NELFA: variants seen among roughly 807,000 people sequenced by gnomAD.
The protein encoded by NELFA is negative elongation factor complex member A, also known as negative elongation factor A.
A neutral mutation model predicts 51.8 loss-of-function variants in NELFA; 35 were observed. The ratio of observed to expected loss-of-function variants is 0.68; its 90% CI spans 0.52 to 0.90. The LOEUF (loss-of-function observed/expected upper bound fraction) is 0.90. NELFA is among the 40% of genes least tolerant of loss of function. The pLI, the probability that NELFA is intolerant of heterozygous loss-of-function variation, is 0.00. For missense variants in NELFA, 658 were observed against 746.4 expected, an observed-to-expected ratio of 0.88 and a Z score of 1.38; for synonymous variants, 417 against 338.4, an observed-to-expected ratio of 1.23 and a Z score of -2.55.
intron 4 of NELFA, among the ~76,000 whole-genome samples, chr4:1,987,122 T>C (rs1273818282): frequency 6.6e-6 from 1 of 152,148 alleles, no homozygotes; most frequent in Non-Finnish European, 1.5e-5. Context: ...AGACCCAAGA[T>C]GCCTTCTACT....
intron 7 of NELFA, 130 bp from the exon 8 acceptor site, chr4:1,985,049 A>C: frequency 1.5e-6 from 1 of 647,598 alleles, no homozygotes; most frequent in Non-Finnish European, 2.6e-6. Context: ...GGCGGGGGCC[A>C]CTCTCCCGAG....
At chr4:1,992,025 C>A in intron 1 of NELFA, 1 of 293,142 alleles carries the variant, frequency 3.4e-6, no homozygotes. Flanking sequence ...TGCAAGAAAA[C>A]CTGAAGGGTG....
At chr4:1,990,216 C>T (rs180741020) in intron 2 of NELFA, among the ~76,000 whole-genome samples, 53 of 152,196 alleles carry the variant, frequency 3.5e-4, no homozygotes, top group African/African-American at 1.1e-3. Context: ...CCCACCCCCA[C>T]GTAAGAAGGA....
chr4:2,003,987 C>A (rs958681480), intron 1 of NELFA: 1 of 151,910 alleles, frequency 6.6e-6, no homozygotes. Flanking sequence ...CCCGTCTCCA[C>A]TAAAAATACA....
chr4:1,991,210 T>C (rs1051883974), intron 2 of NELFA, among the ~76,000 whole-genome samples: 1 of 152,182 alleles, frequency 6.6e-6, no homozygotes, highest in African/African-American at 2.4e-5. Context: ...CTCTGGGCCC[T>C]AGAACCTAGG....
At position 1,983,958 on chromosome 4, in the gene NELFA, T is replaced by C. The variant is rs1727994040; in HGVS notation, c.1192A>G (p.Thr398Ala). 4 of 1,611,540 alleles carry C rather than the reference T, an allele frequency of 2.5e-6. No individual in the cohort carries two copies. The highest frequency in any genetic ancestry group is 3.4e-6 in the Non-Finnish European group (4 of 1,179,550). The change falls in exon 9 of 11, where the codon ACC becomes GCC. Residue 398 changes from threonine (T) to alanine (A), a missense_variant. Thr to Ala is a moderately conservative substitution (Grantham distance 58). Around this residue, in one of 3 missense-constraint regions of NELFA, gnomAD observed 200 missense variants for 167.9 expected, o/e 1.19. Coordinates refer to ENST00000382882, the MANE Select transcript of NELFA (RefSeq NM_005663.5). ...GTAGGGGCGACAGCCGGAGGTGTGG[T>C]GGGTGTCAGAGGCGAGGTGGGCGCC... ...PAAPTSPLTP[T>A]TPPAVAPTTQ...
intron 2 of NELFA, chr4:1,990,410 T>C (rs1560867658): frequency 2.2e-6 from 1 of 456,722 alleles, no homozygotes; most frequent in Non-Finnish European, 4.4e-6. Flanking sequence ...ACTGGCTACG[T>C]GCCCCACCTG....
At chr4:1,994,772 G>A (rs1214434046) in intron 1 of NELFA, among the ~76,000 whole-genome samples, 5 of 150,930 alleles carry the variant, frequency 3.3e-5, no homozygotes, top group South Asian at 2.1e-4. Flanking sequence ...GGAGAATGGC[G>A]TGAACCCGGG....
chr4:2,007,199 C>T (rs1408477784), intron 1 of NELFA: 2 of 374,224 alleles, frequency 5.3e-6, no homozygotes, highest in Middle Eastern at 3.6e-4. Flanking sequence ...AGCGCCAGAC[C>T]CTGTCTCAAA....
chr4:1,984,720 G>T, intron 8 of NELFA, 88 bp downstream of exon 8: 2 of 894,826 alleles, frequency 2.2e-6, no homozygotes, highest in Non-Finnish European at 3.5e-6. Context: ...ATGCAGGAGT[G>T]AGAACCGCAG....
At chr4:1,986,506 G>C (rs1027575164) in intron 4 of NELFA, 104 bp from the exon 5 acceptor site, 1 of 1,556,712 alleles carries the variant, frequency 6.4e-7, no homozygotes, top group African/African-American at 1.4e-5. Context: ...GCCGCAGAGG[G>C]GAAGGGCCAA....
chr4:2,004,285 AG>A (rs1356674137), intron 1 of NELFA: 1 of 152,210 alleles, frequency 6.6e-6, no homozygotes, highest in Non-Finnish European at 1.5e-5. Flanking sequence ...AATCTATAGA[AG>A]CAAAAAGTAG....
chr4:1,999,669 T>C (rs183102619), intron 1 of NELFA, among the ~76,000 whole-genome samples: 46 of 152,272 alleles, frequency 3.0e-4, no homozygotes, highest in African/African-American at 1.1e-3. Context: ...CAACGAGACT[T>C]AGACTCCCAC....
At position 1,992,201 on chromosome 4, in the gene NELFA, C is replaced by G. The variant is rs1008870232; in HGVS notation, c.211-486G>C. On this transcript the variant is annotated intron_variant, in intron 1 of 10. Coordinates refer to ENST00000382882, the MANE Select transcript of NELFA (RefSeq NM_005663.5). ...GGCAGCAGGGGGTGGGGCCTGGGAC[C>G]TGGGGCAGCACCCGTGACAGCTGAG... is the stretch of plus-strand genomic sequence containing the variant. 2.2e-5 allele frequency: 5 copies of G among 224,006 alleles called. No individual in the cohort carries two copies. The South Asian group carries it at 2.4e-4, about 11-fold the overall frequency. 13.9% of individuals were successfully genotyped at this position (224,006 alleles called of 1,614,324 possible).
chr4:1,993,662 C>T (rs908070949), intron 1 of NELFA, among the ~76,000 whole-genome samples: 3 of 152,042 alleles, frequency 2.0e-5, no homozygotes, highest in Admixed American at 6.5e-5. Flanking sequence ...CAGAAATTTA[C>T]TTCTCACGGT....
intron 1 of NELFA, among the ~76,000 whole-genome samples, chr4:2,005,401 A>C (rs1001002758): frequency 1.3e-5 from 2 of 152,212 alleles, no homozygotes; most frequent in Non-Finnish European, 1.5e-5. Context: ...AAATTTTGCA[A>C]CTAGCAAAAC....
intron 7 of NELFA, 145 bp from the exon 8 acceptor site, chr4:1,985,064 C>T: frequency 8.2e-6 from 5 of 608,194 alleles, no homozygotes; most frequent in Non-Finnish European, 1.1e-5. Flanking sequence ...CCCGAGCTCC[C>T]TGGGCTAGAC....
Position 1,986,341 on chromosome 4 carries a change from G to A in NELFA, c.696C>T (p.Phe232=). The A allele has an allele frequency of 6.2e-7, 1 of 1,603,742 alleles. No homozygotes were observed. Among genetic ancestry groups the A allele is most frequent in the South Asian group, 1.1e-5 (1 of 89,224 alleles). Residue 232 remains phenylalanine, a synonymous_variant, in exon 5 of 11, where the codon TTC becomes TTT. Transcript: ENST00000382882. ...TGGGGGTCCGGTTCCCTGTGGGGCT[G>A]AAGACGCTGGGCGCCGTGGGGCTTC... ...PFRSPTAPSV[F]SPTGNRTPIP...
chr4:1,992,418 C>A, intron 1 of NELFA: 1 of 393,684 alleles, frequency 2.5e-6, no homozygotes, highest in Non-Finnish European at 5.1e-6. Context: ...AGGCCAGATC[C>A]ATCCACACCA....
Sources: allele counts gnomAD v4.1 joint callset (sites outside exome capture counted in the v4.1 genomes callset), GRCh38; gene constraint gnomAD v4.1.1; regional missense constraint gnomAD v4.1.1; transcripts MANE v1.5; gene names NCBI Gene and HGNC (gene_info 2026-07-23, HGNC 2026-07-21).